CUL5: variants seen among roughly 807,000 people sequenced by gnomAD.
The protein encoded by CUL5 is cullin 5.
In CUL5, 26 loss-of-function variants were observed where a neutral mutation model predicts 108.8. The observed-to-expected ratio is 0.24, with a 90% confidence interval of 0.18 to 0.33. CUL5 has a LOEUF of 0.33. Among genes scored for constraint, CUL5 ranks in the 10% least tolerant of loss-of-function variants. The pLI is 1.00. For missense variants in CUL5, 524 were observed against 909.2 expected (o/e 0.58, Z 5.45); for synonymous variants, 334 against 298.0 (o/e 1.12, Z -1.25).
At chr11:108,052,957 G>T (rs1430182453) in intron 5 of CUL5, among the ~76,000 whole-genome samples, 156 bp downstream of exon 5, 1 of 151,962 alleles carries the variant, frequency 6.6e-6, no homozygotes, top group Non-Finnish European at 1.5e-5. Flanking sequence ...TGATAATTCT[G>T]CTTAAAAGAA....
intron 12 of CUL5, among the ~76,000 whole-genome samples, chr11:108,088,931 C>T (rs1168056506): frequency 4.6e-5 from 7 of 151,982 alleles, no homozygotes; most frequent in Admixed American, 4.6e-4. Flanking sequence ...CAGGACATAT[C>T]ATTCCAACAA....
At chr11:108,038,779 C>A (rs1369930487) in intron 2 of CUL5, among the ~76,000 whole-genome samples, 1 of 151,750 alleles carries the variant, frequency 6.6e-6, no homozygotes, top group Non-Finnish European at 1.5e-5. Flanking sequence ...ATAATTAAAA[C>A]CCTTGTAAAT....
chr11:108,096,860 C>G (rs1864515821), intron 16 of CUL5, among the ~76,000 whole-genome samples: 1 of 151,812 alleles, frequency 6.6e-6, no homozygotes, highest in South Asian at 2.1e-4. Context: ...GCTACTGTGC[C>G]TCAGATACAT....
rs747147088 is a variant in CUL5, at chr11:108,094,846, C to G, written c.1602C>G (p.Gly534=). The G allele has an allele frequency of 6.2e-7, 1 of 1,607,130 alleles. No individual in the cohort carries two copies. The highest frequency in any genetic ancestry group is 1.1e-5 in the South Asian group (1 of 89,528). The change falls in exon 15 of 19, where the codon GGC becomes GGG. Residue 534 remains glycine (G), a synonymous_variant. Coordinates refer to ENST00000393094, the MANE Select transcript of CUL5 (RefSeq NM_003478.6). ...TTAATATAAAAATTCTGAATGCTGGCGCCTGGTCAAGAAGTTCTGAGAAAG... is the reference window on the plus strand; with the variant it reads ...TTAATATAAAAATTCTGAATGCTGGGGCCTGGTCAAGAAGTTCTGAGAAAG... ...DSVNIKILNA[G]AWSRSSEKVF...
intron 1 of CUL5, among the ~76,000 whole-genome samples, chr11:108,017,982 G>A (rs1216312713): frequency 3.9e-5 from 6 of 152,132 alleles, no homozygotes; most frequent in African/African-American, 7.2e-5. Context: ...TGACATTTCA[G>A]CCAGATCCTA....
Position 108,087,622 on chromosome 11 carries a change from G to T in CUL5, c.1179-905G>T, listed in dbSNP as rs1208874483. 2.0e-5 allele frequency among the ~76,000 whole-genome samples: 3 copies of T among 152,054 alleles called. No homozygotes were observed. The East Asian group carries it at 5.8e-4, about 29-fold the overall frequency. Reference sequence around the variant, plus strand: ...TTAAAAAATTTTTTAATTTGTGTATGTTTGTGTCTCAGTTATTTTTTAAAA... The same window carrying T: ...TTAAAAAATTTTTTAATTTGTGTATTTTTGTGTCTCAGTTATTTTTTAAAA... On this transcript the variant is annotated intron_variant, in intron 11 of 18. Transcript: ENST00000393094.
At chr11:108,099,587 T>A (rs1864594761) in intron 18 of CUL5, among the ~76,000 whole-genome samples, 1 of 152,150 alleles carries the variant, frequency 6.6e-6, no homozygotes, top group Non-Finnish European at 1.5e-5. Context: ...TTGCTAAAAT[T>A]TTTAGTTGTA....
At chr11:108,011,916 A>G (rs907336503) in intron 1 of CUL5, among the ~76,000 whole-genome samples, 1 of 152,156 alleles carries the variant, frequency 6.6e-6, no homozygotes, top group African/African-American at 2.4e-5. Context: ...GTGAGCCACC[A>G]TGTCTAGCTG....
At chr11:108,090,811 A>G (rs1864334902) in intron 13 of CUL5, among the ~76,000 whole-genome samples, 1 of 152,138 alleles carries the variant, frequency 6.6e-6, no homozygotes, top group South Asian at 2.1e-4. Flanking sequence ...AGAGAGACCT[A>G]CAGATATTTT....
chr11:108,093,013 A>G (rs1435588172), intron 13 of CUL5, among the ~76,000 whole-genome samples: 1 of 151,946 alleles, frequency 6.6e-6, no homozygotes, highest in Non-Finnish European at 1.5e-5. Flanking sequence ...GATGGGTTTC[A>G]CCATGTTAGC....
At chr11:108,096,674 C>T (rs1864508948) in intron 16 of CUL5, among the ~76,000 whole-genome samples, 1 of 140,992 alleles carries the variant, frequency 7.1e-6, no homozygotes, top group Non-Finnish European at 1.5e-5. Context: ...TTAAGCGATT[C>T]TCCTACCTCA....
chr11:108,078,238 G>A lies in CUL5; in HGVS notation c.1176G>A (p.Lys392=), dbSNP rs776919020. 3 of 1,562,260 alleles carry A rather than the reference G, an allele frequency of 1.9e-6. No individual in the cohort carries two copies. The East Asian group carries it at 6.9e-5, about 36-fold the overall frequency. The change falls in exon 11 of 19, where the codon AAG becomes AAA. Residue 392 remains lysine (K), a splice_region_variant and synonymous_variant. Coordinates refer to ENST00000393094, the MANE Select transcript of CUL5 (RefSeq NM_003478.6). ...AACTTGAATTACCTTTGAAGCAGAA[G>A]GGGTAAGTTTTTTAAAACCATACTT... is the stretch of plus-strand genomic sequence containing the variant. ...IFKLELPLKQ[K]GVGLKTQPES...
rs150418639 is a variant in CUL5, at chr11:108,094,222, T to C, written c.1444-169T>C. Among the ~76,000 whole-genome samples the C allele has an allele frequency of 1.9e-3, 296 of 152,338 alleles. 2 individuals carry two copies. The highest frequency in any genetic ancestry group is 6.6e-3 in the African/African-American group (274 of 41,566). ...AGCAGGGACCCCTTGTAATACCGTA[T>C]TTTGTTTCTAAGTAGCAAATTTCAT... On this transcript the variant is annotated intron_variant, in intron 13 of 18. Coordinates refer to ENST00000393094, the MANE Select transcript of CUL5 (RefSeq NM_003478.6).
intron 7 of CUL5, among the ~76,000 whole-genome samples, chr11:108,061,894 G>GGAGA (rs145120147): frequency 2.7e-4 from 41 of 150,004 alleles, no homozygotes; most frequent in South Asian, 1.9e-3. Context: ...TGTGGCAGCA[G>GGAGA]GAGAGAGAGA....
chr11:108,050,513 C>T (rs563088959), intron 4 of CUL5, among the ~76,000 whole-genome samples: 5 of 152,060 alleles, frequency 3.3e-5, no homozygotes, highest in South Asian at 2.1e-4. Context: ...ACTACAGGCA[C>T]GTGCTACCAC....
chr11:108,039,659 T>G (rs1862842220), intron 2 of CUL5, among the ~76,000 whole-genome samples: 1 of 152,214 alleles, frequency 6.6e-6, no homozygotes, highest in Non-Finnish European at 1.5e-5. Flanking sequence ...AGCTCCATTT[T>G]AGTTTCCATC....
intron 2 of CUL5, among the ~76,000 whole-genome samples, chr11:108,039,990 A>G (rs1021616350): frequency 6.6e-6 from 1 of 152,222 alleles, no homozygotes; most frequent in Middle Eastern, 3.4e-3. Flanking sequence ...GGGTCACACT[A>G]TTTCTTGTTC....
intron 1 of CUL5, among the ~76,000 whole-genome samples, chr11:108,022,452 TG>T (rs2135057003): frequency 6.6e-6 from 1 of 152,300 alleles, no homozygotes; most frequent in South Asian, 2.1e-4. Flanking sequence ...CCTAGTAAAG[TG>T]GGATTGTTAC....
intron 13 of CUL5, among the ~76,000 whole-genome samples, chr11:108,089,957 T>C (rs1022239640): frequency 6.6e-6 from 1 of 150,928 alleles, no homozygotes; most frequent in Non-Finnish European, 1.5e-5. Flanking sequence ...AGAGAATCAC[T>C]TGAACCCAGG....
Sources: allele counts gnomAD v4.1 joint callset (sites outside exome capture counted in the v4.1 genomes callset), GRCh38; gene constraint gnomAD v4.1.1; transcripts MANE v1.5; gene names NCBI Gene and HGNC (gene_info 2026-07-23, HGNC 2026-07-21).